The following MAST4 variants were observed in gnomAD, a reference collection of about 807,000 sequenced individuals.
MAST4 encodes the protein microtubule associated serine/threonine kinase family member 4.
Under a neutral mutation model 162.7 loss-of-function variants are expected in MAST4, and 89 were observed. The observed-to-expected ratio is 0.55, with a 90% CI of 0.46 to 0.65. The LOEUF (loss-of-function observed/expected upper bound fraction) is 0.65, where lower values mean the gene tolerates loss of function less well. Ranked by LOEUF, MAST4 falls within the 30% of genes least tolerant of loss-of-function variation. The pLI is 0.00. For missense variants in MAST4, 3,153 were observed against 3,374.0 expected (o/e 0.93, Z 1.62); for synonymous variants, 1,479 against 1,361.1 (o/e 1.09, Z -1.91).
intron 1 of MAST4, among the ~76,000 whole-genome samples, chr5:66,631,811 T>C (rs1290997598): frequency 6.6e-6 from 1 of 152,202 alleles, no homozygotes; most frequent in African/African-American, 2.4e-5. Context: ...GAAAGAAACC[T>C]ATGAAGTAGA....
chr5:66,901,391 A>G (rs752209143), intron 4 of MAST4, among the ~76,000 whole-genome samples: 2 of 147,816 alleles, frequency 1.4e-5, no homozygotes, highest in Non-Finnish European at 3.0e-5. Flanking sequence ...TCATATTTCT[A>G]TTTAAGGGTA....
At chr5:67,078,895 T>TTTATAA (rs1491586866) in intron 5 of MAST4, among the ~76,000 whole-genome samples, 1 of 73,318 alleles carries the variant, frequency 1.4e-5, no homozygotes, top group East Asian at 3.5e-4. Flanking sequence ...TTTATATATT[T>TTTATAA]ATATATTTTT....
At position 67,049,035 on chromosome 5, in the gene MAST4, A is replaced by ACACG. The variant is rs371913655; in HGVS notation, c.675-5369_675-5368insCACG. Among the ~76,000 whole-genome samples the ACACG allele has an allele frequency of 1.4e-3, 122 of 89,968 alleles. 1 individual carries two copies. Among genetic ancestry groups the ACACG allele is most frequent in the Non-Finnish European group, 2.1e-3 (87 of 41,654 alleles). 59.0% of individuals were successfully genotyped at this position (89,968 alleles called of 152,430 possible). ...TATATATATATACGTATATATATATATATATACGTGTATATATATATATAC... is the reference window on the plus strand; with the variant it reads ...TATATATATATACGTATATATATATACACGTATATACGTGTATATATATATATAC... On this transcript the variant is annotated intron_variant, in intron 4 of 28. Coordinates refer to ENST00000403625, the MANE Select transcript of MAST4 (RefSeq NM_001164664.2).
At position 66,638,905 on chromosome 5, in the gene MAST4, C is replaced by T. The variant is rs181268995; in HGVS notation, c.363+41887C>T. Reference sequence around the variant, plus strand: ...GGTGCCATTTACTGAGATGGGGAAACGAAGAACACTTTTGGGGGAAAAGCA... The same window carrying T: ...GGTGCCATTTACTGAGATGGGGAAATGAAGAACACTTTTGGGGGAAAAGCA... On this transcript the variant is annotated intron_variant, in intron 1 of 28. Transcript: ENST00000403625. Among the ~76,000 whole-genome samples, 8 of 152,122 alleles carry T rather than the reference C, an allele frequency of 5.3e-5. No individual in the cohort carries two copies. The East Asian group carries it at 1.2e-3, about 22-fold the overall frequency.
At position 66,977,275 on chromosome 5, in the gene MAST4, T is replaced by A. The variant is rs533726584; in HGVS notation, c.675-77129T>A. On this transcript the variant is annotated intron_variant, in intron 4 of 28. Transcript: ENST00000403625. ...GCCACCACGCCTGGCTAATTTTGTG[T>A]TTTTAGTAGAGACGGTGTTTCTCCA... 4.6e-5 allele frequency among the ~76,000 whole-genome samples: 7 copies of A among 152,194 alleles called. No homozygotes were observed. In the South Asian group the frequency reaches 6.2e-4, roughly 14 times the overall value.
At chr5:66,995,297 C>A (rs1374841728) in intron 4 of MAST4, among the ~76,000 whole-genome samples, 1 of 152,110 alleles carries the variant, frequency 6.6e-6, no homozygotes, top group African/African-American at 2.4e-5. Flanking sequence ...GTATTGTTTT[C>A]TTAAGTTTGT....
intron 4 of MAST4, among the ~76,000 whole-genome samples, chr5:67,047,289 G>T (rs552077853): frequency 6.6e-6 from 1 of 152,166 alleles, no homozygotes; most frequent in Non-Finnish European, 1.5e-5. Flanking sequence ...ACTGTGGCCT[G>T]CAGGCTGCTG....
At chr5:66,690,243 A>G (rs1283300129) in intron 1 of MAST4, among the ~76,000 whole-genome samples, 1 of 152,216 alleles carries the variant, frequency 6.6e-6, no homozygotes, top group Admixed American at 6.5e-5. Flanking sequence ...GGGTCAAATA[A>G]TGACTGCAGA....
At position 67,166,451 on chromosome 5, in the gene MAST4, C is replaced by A; in HGVS notation, c.7272C>A (p.Pro2424=). The A allele has an allele frequency of 1.2e-6, 2 of 1,601,850 alleles. No individual in the cohort carries two copies. The highest frequency in any genetic ancestry group is 2.3e-5 in the East Asian group (1 of 44,402). ...AGGCCAGAGGGAAAGGGCCCGGTCC[C>A]CAGAAGCCACCGACGGAGGCAGACA... ...FPEARGKGPG[P]QKPPTEADKP... is the part of the protein sequence containing the mutation. Residue 2424 remains proline, a synonymous_variant, in exon 29 of 29, where the codon CCC becomes CCA. Coordinates refer to ENST00000403625, the MANE Select transcript of MAST4 (RefSeq NM_001164664.2).
chr5:67,166,649 C>T lies in MAST4; in HGVS notation c.7470C>T (p.Gly2490=). The T allele has an allele frequency of 2.5e-6, 4 of 1,599,324 alleles. No homozygotes were observed. Among genetic ancestry groups the T allele is most frequent in the Non-Finnish European group, 3.4e-6 (4 of 1,173,176 alleles). ...SDTSSAKAAG[G]MLELPAPSNR... ...CCTCTTCTGCCAAGGCCGCCGGGGGCATGCTGGAGCTTCCAGCCCCCAGCA... is the reference window on the plus strand; with the variant it reads ...CCTCTTCTGCCAAGGCCGCCGGGGGTATGCTGGAGCTTCCAGCCCCCAGCA... Residue 2490 remains glycine, a synonymous_variant, in exon 29 of 29, where the codon GGC becomes GGT. Transcript: ENST00000403625.
chr5:66,751,528 G>A (rs1410324625), intron 1 of MAST4, among the ~76,000 whole-genome samples: 7 of 152,014 alleles, frequency 4.6e-5, no homozygotes, highest in African/African-American at 1.7e-4. Flanking sequence ...GTGATCAACT[G>A]GAAGAAAGGG....
chr5:67,123,558 C>T (rs1238919015), intron 14 of MAST4, among the ~76,000 whole-genome samples: 1 of 152,006 alleles, frequency 6.6e-6, no homozygotes, highest in Non-Finnish European at 1.5e-5. Flanking sequence ...GGCCCAGAGA[C>T]AGAGTCACGG....
At chr5:66,686,077 C>T (rs543684698) in intron 1 of MAST4, among the ~76,000 whole-genome samples, 17 of 152,244 alleles carry the variant, frequency 1.1e-4, no homozygotes, top group African/African-American at 1.4e-4. Flanking sequence ...TAACAGGCCA[C>T]GGACTGGTCT....
At chr5:66,822,355 T>C (rs1274373650) in intron 3 of MAST4, among the ~76,000 whole-genome samples, 2 of 152,134 alleles carry the variant, frequency 1.3e-5, no homozygotes, top group Non-Finnish European at 2.9e-5. Context: ...AGAAAAAGCA[T>C]CAGACTAGAA....
In MAST4 at chr5:67,100,604, T is replaced by C; in HGVS notation, c.1070+12T>C. On this transcript the variant is annotated intron_variant, in intron 8 of 28. Coordinates refer to ENST00000403625, the MANE Select transcript of MAST4 (RefSeq NM_001164664.2). ...TCCCGAAGTCTGAGGTGTGTGGGCC[T>C]GGCTGAAAACCATTACTTAGTTGGA... The C allele has an allele frequency of 6.2e-7, 1 of 1,613,758 alleles. No homozygotes were observed. The highest frequency in any genetic ancestry group is 2.2e-5 in the East Asian group (1 of 44,880).
In MAST4 at chr5:66,844,139, C is replaced by CTGTGTGTGTGTG. The variant is rs59568297; in HGVS notation, c.642+55393_642+55404dup. Among the ~76,000 whole-genome samples, 32 of 104,554 alleles carry CTGTGTGTGTGTG rather than the reference C, an allele frequency of 3.1e-4. 2 individuals carry two copies. The highest frequency in any genetic ancestry group is 1.2e-3 in the South Asian group (3 of 2,486). The allele number at this position is 104,554 out of a possible 152,430, so 68.6% of individuals were successfully genotyped here. A position where few individuals can be genotyped will look rare whatever the true frequency, so the allele number is the denominator to read the frequency against. On this transcript the variant is annotated intron_variant, in intron 3 of 28. Coordinates refer to ENST00000403625, the MANE Select transcript of MAST4 (RefSeq NM_001164664.2). ...TCTTTAACAGCTGGTCCCAGTCAGC[C>CTGTGTGTGTGTG]TGTGTGTGTGTGTGTGTGTGTGTGT...
At chr5:67,079,693 T>A (rs2150730946) in intron 5 of MAST4, among the ~76,000 whole-genome samples, 1 of 152,356 alleles carries the variant, frequency 6.6e-6, no homozygotes, top group African/African-American at 2.4e-5. Context: ...TGCAGTTCAT[T>A]TTTGGGACTC....
rs551817332 is a variant in MAST4, at chr5:67,048,986, T to C, written c.675-5418T>C. ...TACATATAGCATATATATATATATATGTATATATATATATACACACACATA... is the reference window on the plus strand; with the variant it reads ...TACATATAGCATATATATATATATACGTATATATATATATACACACACATA... On this transcript the variant is annotated intron_variant, in intron 4 of 28. Transcript: ENST00000403625. 8.8e-3 allele frequency among the ~76,000 whole-genome samples: 934 copies of C among 105,802 alleles called. 12 individuals carry two copies. The highest frequency in any genetic ancestry group is 0.045 in the South Asian group (159 of 3,510). The allele number at this position is 105,802 out of a possible 152,430, so 69.4% of individuals were successfully genotyped here. A position where few individuals can be genotyped will look rare whatever the true frequency, so the allele number is the denominator to read the frequency against.
intron 14 of MAST4, among the ~76,000 whole-genome samples, chr5:67,128,279 G>T (rs1411962100): frequency 6.6e-6 from 1 of 152,106 alleles, no homozygotes; most frequent in African/African-American, 2.4e-5. Flanking sequence ...AAAATGGTGG[G>T]AGCCCAAGGC....
Sources: gnomAD v4.1 joint callset for allele counts (sites outside exome capture counted in the v4.1 genomes callset) on GRCh38, gnomAD v4.1.1 for gene constraint, MANE v1.5 for transcripts, NCBI Gene and HGNC (gene_info 2026-07-23, HGNC 2026-07-21) for gene names.